ANKIB1: variants seen among roughly 807,000 people sequenced by gnomAD.
ANKIB1 encodes ankyrin repeat and IBR domain-containing protein 1.
Under a neutral mutation model 122.1 loss-of-function variants are expected in ANKIB1, and 43 were observed. The observed-to-expected ratio is 0.35, with a 90% CI of 0.28 to 0.45. The LOEUF is 0.45. ANKIB1 is among the 20% of genes least tolerant of loss of function. The pLI is 1.00. For synonymous variants in ANKIB1, 390 were observed against 442.0 expected (o/e 0.88, Z 1.48); for missense variants, 992 against 1,329.5 (o/e 0.75, Z 3.95).
At chr7:92,362,860 C>T (rs749725248) in intron 10 of ANKIB1, among the ~76,000 whole-genome samples, 2 of 152,154 alleles carry the variant, frequency 1.3e-5, no homozygotes, top group African/African-American at 2.4e-5. Context: ...TTGAATGACA[C>T]AGGGCATGTG....
rs1803493379 is a variant in ANKIB1 at position 92,344,264 on chromosome 7, G to T, written c.997-714G>T. 2.1e-5 allele frequency among the ~76,000 whole-genome samples: 3 copies of T among 141,754 alleles called. No homozygotes were observed. In the South Asian group the frequency reaches 6.9e-4, roughly 32 times the overall value. 93.0% of individuals were successfully genotyped at this position (141,754 alleles called of 152,430 possible). A position where few individuals can be genotyped will look rare whatever the true frequency, so the allele number is the denominator to read the frequency against. The stretch of plus-strand genomic sequence containing the variant: ...TTGTTGCCGAGGCTGGAGTGTAATG[G>T]CATGACCTCGGCTCCCTGCAACCTC... On this transcript the variant is annotated intron_variant, in intron 6 of 19. Coordinates refer to ENST00000265742, the MANE Select transcript of ANKIB1 (RefSeq NM_019004.2).
intron 11 of ANKIB1, among the ~76,000 whole-genome samples, chr7:92,373,480 G>C (rs1309912245): frequency 6.6e-6 from 1 of 152,094 alleles, no homozygotes; most frequent in African/African-American, 2.4e-5. Flanking sequence ...TTAAGCTTCT[G>C]TTGCATTGAA....
At chr7:92,333,212 G>A (rs904071018) in intron 5 of ANKIB1, among the ~76,000 whole-genome samples, 5 of 152,040 alleles carry the variant, frequency 3.3e-5, no homozygotes, top group Admixed American at 6.6e-5. Context: ...CTCTAGTCCC[G>A]ATTTTTCATT....
intron 10 of ANKIB1, among the ~76,000 whole-genome samples, chr7:92,365,788 CTTTTTTTTTTTTTTT>C (rs59131137): frequency 1.0e-4 from 6 of 58,324 alleles, no homozygotes; most frequent in South Asian, 8.8e-4. Flanking sequence ...ATTAAATAAT[CTTTTTTTTTTTTTTT>C]TTTTTTTTTT....
chr7:92,385,511 G>A (rs1447105093), intron 11 of ANKIB1, among the ~76,000 whole-genome samples: 1 of 152,186 alleles, frequency 6.6e-6, no homozygotes, highest in Non-Finnish European at 1.5e-5. Flanking sequence ...ACTGGATTAA[G>A]AAAATGTGGT....
chr7:92,380,020 GAAAAT>G (rs1804475553), intron 11 of ANKIB1, among the ~76,000 whole-genome samples: 1 of 152,184 alleles, frequency 6.6e-6, no homozygotes. Context: ...GCTGTACCGG[GAAAAT>G]CGGGACACTG....
intron 3 of ANKIB1, among the ~76,000 whole-genome samples, chr7:92,310,192 A>G (rs954168049): frequency 1.1e-4 from 17 of 151,900 alleles, no homozygotes; most frequent in Non-Finnish European, 5.9e-5. Flanking sequence ...GTGAGCATGT[A>G]AATGTGTGTG....
Position 92,246,537 on chromosome 7 carries a change from G to A in ANKIB1, c.-91+18G>A, listed in dbSNP as rs1342820739. 1.9e-6 allele frequency: 1 copy of A among 517,410 alleles called. No individual in the cohort carries two copies. Among genetic ancestry groups the A allele is most frequent in the Admixed American group, 1.9e-5 (1 of 51,442 alleles). The allele number at this position is 517,410 out of a possible 1,614,324, so 32.1% of individuals were successfully genotyped here. On this transcript the variant is annotated intron_variant, in intron 1 of 19. Coordinates refer to ENST00000265742, the MANE Select transcript of ANKIB1 (RefSeq NM_019004.2). ...AAGTAACCGTAAGTCTCAGCTTCGC[G>A]GTACAGATGTGTTTGAGGCTGCCTC...
chr7:92,272,843 G>A (rs1262583390), intron 1 of ANKIB1, among the ~76,000 whole-genome samples: 1 of 152,122 alleles, frequency 6.6e-6, no homozygotes, highest in African/African-American at 2.4e-5. Flanking sequence ...AGATGGTATA[G>A]CCTGCTATAC....
chr7:92,266,404 T>C lies in ANKIB1; in HGVS notation c.-91+19885T>C, dbSNP rs59895741. 8.6e-4 allele frequency among the ~76,000 whole-genome samples: 131 copies of C among 152,200 alleles called. 2 individuals are homozygous for C. In the East Asian group the frequency reaches 0.02, roughly 23 times the overall value. On this transcript the variant is annotated intron_variant, in intron 1 of 19. Transcript: ENST00000265742. The stretch of plus-strand genomic sequence containing the variant: ...AATATGTATATATATGTAGCAGATA[T>C]AGGGAGCAACCATTACCACTAGGCC...
At chr7:92,326,450 A>G (rs1216974837) in intron 4 of ANKIB1, among the ~76,000 whole-genome samples, 1 of 152,162 alleles carries the variant, frequency 6.6e-6, no homozygotes, top group Non-Finnish European at 1.5e-5. Flanking sequence ...GATAACCTGA[A>G]AAAGAACATT....
At chr7:92,339,091 G>C (rs1296570320) in intron 5 of ANKIB1, among the ~76,000 whole-genome samples, 7 of 125,176 alleles carry the variant, frequency 5.6e-5, no homozygotes, top group Non-Finnish European at 9.6e-5. Flanking sequence ...ACCTAGGCTA[G>C]AGTGTAGTGG....
chr7:92,292,276 A>G (rs547571420), intron 1 of ANKIB1, among the ~76,000 whole-genome samples: 1 of 152,276 alleles, frequency 6.6e-6, no homozygotes, highest in East Asian at 1.9e-4. Flanking sequence ...AATGAAACAG[A>G]TATGAAAATA....
At chr7:92,397,258 T>C (rs1035494026) in intron 18 of ANKIB1, among the ~76,000 whole-genome samples, 2 of 151,964 alleles carry the variant, frequency 1.3e-5, no homozygotes, top group Non-Finnish European at 1.5e-5. Flanking sequence ...GAGGCCAAGG[T>C]GTGCGGATCA....
chr7:92,259,388 G>A (rs1400083146), intron 1 of ANKIB1, among the ~76,000 whole-genome samples: 1 of 152,038 alleles, frequency 6.6e-6, no homozygotes, highest in Non-Finnish European at 1.5e-5. Flanking sequence ...TCTTGTTGTA[G>A]TTTCTGTATA....
At chr7:92,248,158 ATGT>A (rs1801238574) in intron 1 of ANKIB1, among the ~76,000 whole-genome samples, 1 of 152,092 alleles carries the variant, frequency 6.6e-6, no homozygotes, top group Non-Finnish European at 1.5e-5. Context: ...CTTAGAAAAA[ATGT>A]TGTTGATTCT....
At chr7:92,250,430 T>C (rs1157740171) in intron 1 of ANKIB1, among the ~76,000 whole-genome samples, 3 of 152,194 alleles carry the variant, frequency 2.0e-5, no homozygotes, top group Non-Finnish European at 4.4e-5. Context: ...AATTATATAC[T>C]ATCAAAAATA....
intron 1 of ANKIB1, among the ~76,000 whole-genome samples, chr7:92,270,978 A>AT (rs1363740045): frequency 6.6e-6 from 1 of 151,606 alleles, no homozygotes; most frequent in Non-Finnish European, 1.5e-5. Flanking sequence ...CAATTTATCA[A>AT]TTTTTTTCTT....
intron 10 of ANKIB1, among the ~76,000 whole-genome samples, chr7:92,364,317 A>G (rs1804023026): frequency 7.2e-6 from 1 of 138,972 alleles, no homozygotes; most frequent in Admixed American, 6.9e-5. Context: ...ATCTAAAAAA[A>G]AAAAAAAAAA....
Sources: allele counts gnomAD v4.1 joint callset (sites outside exome capture counted in the v4.1 genomes callset), GRCh38; gene constraint gnomAD v4.1.1; transcripts MANE v1.5; gene names NCBI Gene and HGNC (gene_info 2026-07-23, HGNC 2026-07-21).